Variants in IKZF3 observed in about 807,000 individuals in gnomAD.
IKZF3 encodes the protein IKAROS family zinc finger 3.
Under a neutral mutation model 49.0 loss-of-function variants are expected in IKZF3, and 10 were observed. The observed-to-expected ratio is 0.20, with a 90% confidence interval of 0.13 to 0.35. The LOEUF (loss-of-function observed/expected upper bound fraction) is 0.35, where lower values mean the gene tolerates loss of function less well. IKZF3 is among the 10% of genes least tolerant of loss of function. The probability of loss-of-function intolerance (pLI) is 1.00; values close to 1 mark genes in which losing one functional copy is unlikely to be tolerated. For synonymous variants in IKZF3, 209 were observed against 228.2 expected (o/e 0.92, Z 0.76); for missense variants, 498 against 664.8 (o/e 0.75, Z 2.76).
intron 3 of IKZF3, among the ~76,000 whole-genome samples, chr17:39,793,725 GGA>G (rs1420889977): frequency 6.6e-6 from 1 of 152,226 alleles, no homozygotes; most frequent in Non-Finnish European, 1.5e-5. Context: ...GGACTGGATA[GGA>G]GAGGAGGGAC....
intron 7 of IKZF3, among the ~76,000 whole-genome samples, chr17:39,776,241 AAAAC>A (rs1283360394): frequency 1.3e-5 from 2 of 152,364 alleles, no homozygotes; most frequent in South Asian, 2.1e-4. Context: ...ACCCCGTCTC[AAAAC>A]AAACCAACAA....
At chr17:39,798,633 G>A (rs1444095602) in intron 3 of IKZF3, among the ~76,000 whole-genome samples, 3 of 151,948 alleles carry the variant, frequency 2.0e-5, no homozygotes, top group African/African-American at 7.3e-5. Context: ...AGCCTCCTGA[G>A]TAGCTGGGAC....
At chr17:39,861,001 C>T (rs1255458862) in intron 1 of IKZF3, among the ~76,000 whole-genome samples, 2 of 152,188 alleles carry the variant, frequency 1.3e-5, no homozygotes, top group Non-Finnish European at 2.9e-5. Context: ...CAAAGAATTA[C>T]TAGCCCCAAT....
At chr17:39,848,763 C>T (rs1284252370) in intron 1 of IKZF3, among the ~76,000 whole-genome samples, 2 of 152,082 alleles carry the variant, frequency 1.3e-5, no homozygotes, top group African/African-American at 4.8e-5. Flanking sequence ...CACTGCAGCC[C>T]GGAACTCCTG....
intron 7 of IKZF3, among the ~76,000 whole-genome samples, chr17:39,772,433 T>C (rs1198403846): frequency 6.6e-6 from 1 of 152,200 alleles, no homozygotes; most frequent in Non-Finnish European, 1.5e-5. Flanking sequence ...CCACAAGTGT[T>C]ATCCCTCACT....
At chr17:39,821,755 A>T (rs952656295) in intron 3 of IKZF3, among the ~76,000 whole-genome samples, 73 of 152,138 alleles carry the variant, frequency 4.8e-4, no homozygotes, top group African/African-American at 1.6e-3. Context: ...TACCTCTAAG[A>T]TCTCTGGTCA....
intron 7 of IKZF3, among the ~76,000 whole-genome samples, chr17:39,776,015 C>T (rs973225146): frequency 2.0e-5 from 3 of 151,920 alleles, no homozygotes; most frequent in South Asian, 2.1e-4. Flanking sequence ...CTCCTCTTGT[C>T]GGCTTCAGCC....
rs1395810696 is a variant in IKZF3 at position 39,791,587 on chromosome 17, TA to T, written c.425-5del. On this transcript the variant is annotated splice_region_variant and splice_polypyrimidine_tract_variant and intron_variant, in intron 4 of 7. Coordinates refer to ENST00000346872, the MANE Select transcript of IKZF3 (RefSeq NM_012481.5). ...TTACACTGGAATGGGCGTTCACCTT[TA>T]AAAAGGACAAAAAAGGAGATTTCTG... 6.2e-7 allele frequency: 1 copy of T among 1,613,356 alleles called. No individual in the cohort carries two copies. Among genetic ancestry groups the T allele is most frequent in the Non-Finnish European group, 8.5e-7 (1 of 1,179,696 alleles).
chr17:39,803,762 C>T (rs1308949580), intron 3 of IKZF3, among the ~76,000 whole-genome samples: 1 of 152,144 alleles, frequency 6.6e-6, no homozygotes, highest in African/African-American at 2.4e-5. Flanking sequence ...ATCCGCCCAC[C>T]TCGGCCTCCC....
chr17:39,820,357 G>A (rs2061776325), intron 3 of IKZF3, among the ~76,000 whole-genome samples: 1 of 152,140 alleles, frequency 6.6e-6, no homozygotes, highest in South Asian at 2.1e-4. Flanking sequence ...ACTATAAAAT[G>A]TGAGCAATAT....
intron 7 of IKZF3, among the ~76,000 whole-genome samples, chr17:39,766,905 A>G (rs183769773): frequency 6.6e-6 from 1 of 151,818 alleles, no homozygotes; most frequent in African/African-American, 2.4e-5. Flanking sequence ...TCGGCTCCCA[A>G]CTCTTATTTT....
rs1453673671 is a variant in IKZF3 at position 39,758,828 on chromosome 17, T to C, written c.*6962A>G. On this transcript the variant is annotated 3_prime_UTR_variant, in exon 8 of 8. Transcript: ENST00000346872. The stretch of plus-strand genomic sequence containing the variant: ...GAGATCAGTTACCTCCATAATTCAT[T>C]TGTAAAGGAATTGCTATTATGATCT... 2.7e-5 allele frequency: 4 copies of C among 148,662 alleles called. No individual in the cohort carries two copies. The highest frequency in any genetic ancestry group is 5.9e-5 in the Non-Finnish European group (4 of 67,434). 9.2% of individuals were successfully genotyped at this position (148,662 alleles called of 1,614,324 possible).
chr17:39,791,259 T>C (rs2143870853), intron 5 of IKZF3, among the ~76,000 whole-genome samples, 157 bp downstream of exon 5: 1 of 152,244 alleles, frequency 6.6e-6, no homozygotes. Flanking sequence ...ATTAGTGCCT[T>C]AATGGTCGTG....
intron 3 of IKZF3, among the ~76,000 whole-genome samples, chr17:39,805,530 A>G (rs1242968613): frequency 2.6e-5 from 4 of 152,192 alleles, no homozygotes; most frequent in Admixed American, 6.5e-5. Context: ...AACATTTACC[A>G]TCTGTAACAT....
intron 1 of IKZF3, among the ~76,000 whole-genome samples, chr17:39,856,824 A>G (rs999849806): frequency 1.3e-5 from 2 of 151,820 alleles, no homozygotes; most frequent in African/African-American, 2.4e-5. Flanking sequence ...TAATAATAAT[A>G]ATAATAATTT....
Position 39,766,340 on chromosome 17 carries a change from G to A in IKZF3, c.980C>T (p.Pro327Leu), listed in dbSNP as rs1181791231. The A allele has an allele frequency of 4.3e-6, 7 of 1,614,058 alleles. No individual in the cohort carries two copies. The highest frequency in any genetic ancestry group is 3.3e-5 in the South Asian group (3 of 91,074). The change falls in exon 8 of 8, where the codon CCG becomes CTG. Residue 327 changes from proline (P) to leucine (L), a missense_variant. Around this residue, in one of 3 missense-constraint regions of IKZF3, gnomAD observed 317 missense variants for 397.3 expected, o/e 0.80. Coordinates refer to ENST00000346872, the MANE Select transcript of IKZF3 (RefSeq NM_012481.5). ...AEALRPLVQT[P>L]PAPTSEMVPV... ...AACCATCTCCGAGGTGGGAGCAGGC[G>A]GTGTCTGGACCAAGGGGCGCAGGGC...
intron 3 of IKZF3, among the ~76,000 whole-genome samples, chr17:39,794,935 A>G (rs1229923276): frequency 2.6e-5 from 4 of 152,190 alleles, no homozygotes; most frequent in Non-Finnish European, 4.4e-5. Flanking sequence ...AAGAACCTCA[A>G]CGGAAAATTT....
At chr17:39,836,934 CT>C (rs910112943) in intron 1 of IKZF3, among the ~76,000 whole-genome samples, 1 of 151,788 alleles carries the variant, frequency 6.6e-6, no homozygotes, top group African/African-American at 2.4e-5. Context: ...TTTCTGGTGC[CT>C]TTTTTTTCTT....
intron 3 of IKZF3, among the ~76,000 whole-genome samples, chr17:39,812,105 T>C (rs962962033): frequency 1.6e-4 from 25 of 152,154 alleles, no homozygotes; most frequent in African/African-American, 6.0e-4. Flanking sequence ...TAACAGTATA[T>C]TAAAAACAAA....
Sources: allele counts gnomAD v4.1 joint callset (sites outside exome capture counted in the v4.1 genomes callset), GRCh38; gene constraint gnomAD v4.1.1; regional missense constraint gnomAD v4.1.1; transcripts MANE v1.5; gene names NCBI Gene and HGNC (gene_info 2026-07-23, HGNC 2026-07-21).